RYR3: variants seen among roughly 807,000 people sequenced by gnomAD.
RYR3 encodes ryanodine receptor 3.
A neutral mutation model predicts 584.3 loss-of-function variants in RYR3; 207 were observed. The ratio of observed to expected loss-of-function variants is 0.35; its 90% CI spans 0.32 to 0.40. The LOEUF (loss-of-function observed/expected upper bound fraction) is 0.40. RYR3 is among the 10% of genes least tolerant of loss of function. The probability of loss-of-function intolerance (pLI) is 1.00; values close to 1 mark genes in which losing one functional copy is unlikely to be tolerated. For synonymous variants in RYR3, 2,416 were observed against 2,248.5 expected, an observed-to-expected ratio of 1.07 and a Z score of -2.11; for missense variants, 5,616 against 6,089.2, an observed-to-expected ratio of 0.92 and a Z score of 2.59.
At chr15:33,500,732 C>A (rs1274288219) in intron 2 of RYR3, among the ~76,000 whole-genome samples, 1 of 152,144 alleles carries the variant, frequency 6.6e-6, no homozygotes, top group African/African-American at 2.4e-5. Flanking sequence ...AATGAGCTGG[C>A]CTCCTAGGGG....
chr15:33,613,713 A>C (rs1357329593), intron 19 of RYR3, among the ~76,000 whole-genome samples: 1 of 152,274 alleles, frequency 6.6e-6, no homozygotes, highest in African/African-American at 2.4e-5. Flanking sequence ...ATCACCTATG[A>C]TTCCAATGGT....
intron 1 of RYR3, among the ~76,000 whole-genome samples, chr15:33,404,979 T>A (rs1351380331): frequency 6.6e-6 from 1 of 152,200 alleles, no homozygotes; most frequent in Non-Finnish European, 1.5e-5. Flanking sequence ...ACTAGCTGTG[T>A]GACCTCGGGA....
At chr15:33,614,570 G>A (rs1472305) in intron 19 of RYR3, among the ~76,000 whole-genome samples, 26,247 of 151,742 alleles carry the variant, frequency 0.17, 2,481 homozygotes, top group African/African-American at 0.24. Flanking sequence ...CTTTTAATGT[G>A]CTTTTTCCAA....
intron 18 of RYR3, 25 bp downstream of exon 18, chr15:33,603,389 C>T: frequency 1.3e-6 from 2 of 1,514,736 alleles, no homozygotes; most frequent in Non-Finnish European, 1.8e-6. Context: ...AAAGCTTTGG[C>T]TCATAATCTC....
chr15:33,781,523 C>T (rs1015249204), intron 65 of RYR3, among the ~76,000 whole-genome samples: 1 of 152,210 alleles, frequency 6.6e-6, no homozygotes, highest in Non-Finnish European at 1.5e-5. Context: ...GCTCATGCCA[C>T]ACTTTTCTTT....
At chr15:33,610,120 G>A (rs1219924646) in intron 18 of RYR3, among the ~76,000 whole-genome samples, 1 of 152,124 alleles carries the variant, frequency 6.6e-6, no homozygotes, top group Non-Finnish European at 1.5e-5. Flanking sequence ...GGTGGTCCAA[G>A]CTGGATGCTC....
In RYR3 at chr15:33,739,965, A is replaced by G. The variant is rs551259816; in HGVS notation, c.7790A>G (p.Asn2597Ser). 1.1e-5 allele frequency: 18 copies of G among 1,613,900 alleles called. No homozygotes were observed. In the African/African-American group the frequency reaches 1.3e-4, roughly 12 times the overall value. Residue 2597 changes from asparagine to serine, a missense_variant, in exon 51 of 104, where the codon AAC becomes AGC. This residue lies in a region of RYR3 where 1,280 missense variants were observed against 1,426.2 expected (regional missense o/e 0.90). Transcript: ENST00000634891. Reference protein sequence around the residue: ...EKQISVDADGNFDPKPINTMN... With the variant: ...EKQISVDADGSFDPKPINTMN... ...CAGATCTCAGTGGATGCGGATGGCA[A>G]CTTTGACCCAAAACCTATTAACACC...
chr15:33,536,391 T>C (rs1289107560), intron 5 of RYR3, among the ~76,000 whole-genome samples: 1 of 152,182 alleles, frequency 6.6e-6, no homozygotes, highest in African/African-American at 2.4e-5. Context: ...TTTAAAGTTG[T>C]TTAATTGTTT....
At position 33,646,513 on chromosome 15, in the gene RYR3, G is replaced by A. The variant is rs771176111; in HGVS notation, c.3928G>A (p.Ala1310Thr). ...CCACAGCCCCTGTCTGGACAGTGAAGCTTTCCAGAAAAGGTGAGGGTGAGG... is the reference window on the plus strand; with the variant it reads ...CCACAGCCCCTGTCTGGACAGTGAAACTTTCCAGAAAAGGTGAGGGTGAGG... ...FSHSPCLDSE[A>T]FQKRKQMQEI... The change falls in exon 29 of 104, where the codon GCT (alanine) becomes ACT (threonine). Residue 1310 changes from alanine (A) to threonine (T), a missense_variant. By Grantham distance (58) the Ala-to-Thr change is moderately conservative (BLOSUM62 0). This residue lies in a region of RYR3 where 753 missense variants were observed against 741.0 expected (regional missense o/e 1.02). Coordinates refer to ENST00000634891, the MANE Select transcript of RYR3 (RefSeq NM_001036.6). 5 of 1,610,266 alleles carry A rather than the reference G, an allele frequency of 3.1e-6. No individual in the cohort carries two copies. In the East Asian group the frequency reaches 6.7e-5, roughly 22 times the overall value.
chr15:33,726,283 A>T, intron 45 of RYR3, 103 bp from the exon 46 acceptor site: 2 of 1,257,034 alleles, frequency 1.6e-6, no homozygotes, highest in Non-Finnish European at 2.2e-6. Context: ...ATAGAAATGG[A>T]CCCCTGCCCT....
intron 92 of RYR3, 101 bp from the exon 93 acceptor site, chr15:33,844,761 C>G: frequency 9.7e-7 from 1 of 1,029,510 alleles, no homozygotes; most frequent in Non-Finnish European, 1.4e-6. Context: ...TGAGTCACTA[C>G]TATTTGTATA....
chr15:33,341,917 G>A (rs556971223), intron 1 of RYR3, among the ~76,000 whole-genome samples: 1 of 152,208 alleles, frequency 6.6e-6, no homozygotes, highest in Admixed American at 6.5e-5. Context: ...TTTCAGAGGA[G>A]GAAACTGAGG....
At position 33,664,589 on chromosome 15, in the gene RYR3, G is replaced by GTATATATATA. The variant is rs139063789; in HGVS notation, c.5619+869_5619+878dup. On this transcript the variant is annotated intron_variant, in intron 36 of 103. Coordinates refer to ENST00000634891, the MANE Select transcript of RYR3 (RefSeq NM_001036.6). ...TATATAGATATATGTGTGTGTGTGT[G>GTATATATATA]TATATATATATATATATATATATAT... 4.9e-3 allele frequency among the ~76,000 whole-genome samples: 445 copies of GTATATATATA among 91,342 alleles called. 14 individuals are homozygous for GTATATATATA. The highest frequency in any genetic ancestry group is 0.014 in the African/African-American group (325 of 22,746). 59.9% of individuals were successfully genotyped at this position (91,342 alleles called of 152,430 possible).
chr15:33,409,798 A>AG (rs1382237630), intron 1 of RYR3, among the ~76,000 whole-genome samples: 3 of 152,272 alleles, frequency 2.0e-5, no homozygotes, highest in Admixed American at 6.5e-5. Context: ...CTTATCTCTT[A>AG]GAGGGGATCA....
chr15:33,749,969 TG>T lies in RYR3; in HGVS notation c.8200-7del, dbSNP rs1596418008. On this transcript the variant is annotated splice_polypyrimidine_tract_variant and intron_variant, in intron 55 of 103. Transcript: ENST00000634891. ...TTCTTTTTGACTTGGCTCTTCTTGG[TG>T]GGACACAGGGAATGGTGGAGGTCGT... 1.9e-6 allele frequency: 3 copies of T among 1,610,522 alleles called. No homozygotes were observed. In the South Asian group the frequency reaches 3.3e-5, roughly 18 times the overall value.
At position 33,670,289 on chromosome 15, in the gene RYR3, T is replaced by C. The variant is rs992973850; in HGVS notation, c.5723-130T>C. 2.4e-5 allele frequency: 22 copies of C among 907,322 alleles called. No individual in the cohort carries two copies. The East Asian group carries it at 4.0e-4, about 16-fold the overall frequency. The allele number at this position is 907,322 out of a possible 1,614,324, so 56.2% of individuals were successfully genotyped here. A position where few individuals can be genotyped will look rare whatever the true frequency, so the allele number is the denominator to read the frequency against. Reference sequence around the variant, plus strand: ...TAGGTAACTATTCACGAGAATAGTATCTTTAGAAAGCCTGTAGTATCTTTA... The same window carrying C: ...TAGGTAACTATTCACGAGAATAGTACCTTTAGAAAGCCTGTAGTATCTTTA... On this transcript the variant is annotated intron_variant, in intron 37 of 103. Coordinates refer to ENST00000634891, the MANE Select transcript of RYR3 (RefSeq NM_001036.6).
At chr15:33,522,072 G>A (rs2054030491) in intron 3 of RYR3, among the ~76,000 whole-genome samples, 1 of 145,372 alleles carries the variant, frequency 6.9e-6, no homozygotes, top group Non-Finnish European at 1.5e-5. Context: ...TGGCCAATAT[G>A]GCAAAACCCC....
rs550864085 is a variant in RYR3 at position 33,601,430 on chromosome 15, C to T, written c.1800C>T (p.Ile600=). 6.2e-7 allele frequency: 1 copy of T among 1,612,590 alleles called. No individual in the cohort carries two copies. Among genetic ancestry groups the T allele is most frequent in the South Asian group, 1.1e-5 (1 of 90,570 alleles). The change falls in exon 17 of 104, where the codon ATC becomes ATT. Residue 600 remains isoleucine (I), a synonymous_variant. Coordinates refer to ENST00000634891, the MANE Select transcript of RYR3 (RefSeq NM_001036.6). Reference sequence around the variant, plus strand: ...GTGTCCTGCTGCAGGTTCTGGATATCCTGTGCTCCCTCTGTCTCTGCAATG... The same window carrying T: ...GTGTCCTGCTGCAGGTTCTGGATATTCTGTGCTCCCTCTGTCTCTGCAATG... The part of the protein sequence containing the change: ...KHGRNHKVLD[I]LCSLCLCNGV...
chr15:33,678,139 A>G (rs2064312945), intron 38 of RYR3, among the ~76,000 whole-genome samples: 1 of 152,210 alleles, frequency 6.6e-6, no homozygotes, highest in Admixed American at 6.5e-5. Flanking sequence ...AGGCACAGTA[A>G]TAAAGAGTCG....
Sources: gnomAD v4.1 joint callset for allele counts (sites outside exome capture counted in the v4.1 genomes callset) on GRCh38, gnomAD v4.1.1 for gene constraint, gnomAD v4.1.1 regional missense constraint, MANE v1.5 for transcripts, NCBI Gene and HGNC (gene_info 2026-07-23, HGNC 2026-07-21) for gene names.